The following C6 variants were observed in gnomAD, a reference collection of about 807,000 sequenced individuals.
The protein encoded by C6 is complement component C6.
Under a neutral mutation model 112.9 loss-of-function variants are expected in C6, and 101 were observed. The observed-to-expected ratio is 0.89, with a 90% confidence interval of 0.76 to 1.06. C6 has a LOEUF of 1.06. C6 is among the 50% of genes least tolerant of loss of function. The pLI is 0.00. For synonymous variants in C6, 431 were observed against 384.1 expected, an observed-to-expected ratio of 1.12 and a Z score of -1.43; for missense variants, 1,202 against 1,104.6, an observed-to-expected ratio of 1.09 and a Z score of -1.25.
intron 1 of C6, among the ~76,000 whole-genome samples, chr5:41,242,285 G>A (rs946731404): frequency 1.3e-5 from 2 of 152,008 alleles, no homozygotes; most frequent in African/African-American, 4.8e-5. Flanking sequence ...TGAGTCTCAC[G>A]AGATCTGATC....
At chr5:41,160,056 A>G in intron 11 of C6, 86 bp downstream of exon 11, 1 of 1,073,408 alleles carries the variant, frequency 9.3e-7, no homozygotes, top group South Asian at 1.3e-5. Flanking sequence ...TGCTAATAGA[A>G]GTTTTGTTTC....
chr5:41,213,795 A>T (rs1561180644), upstream of C6, among the ~76,000 whole-genome samples: 1 of 152,144 alleles, frequency 6.6e-6, no homozygotes, highest in African/African-American at 2.4e-5. Context: ...TTAGTTTTTG[A>T]TTATAGAATA....
intron 5 of C6, among the ~76,000 whole-genome samples, chr5:41,194,001 G>T (rs1750420182): frequency 1.3e-5 from 2 of 152,056 alleles, no homozygotes; most frequent in African/African-American, 4.8e-5. Context: ...GCTCTGGTTG[G>T]CAGAGGGCCA....
chr5:41,254,597 C>A (rs1741568560), intron 1 of C6, among the ~76,000 whole-genome samples: 1 of 152,160 alleles, frequency 6.6e-6, no homozygotes, highest in Admixed American at 6.5e-5. Flanking sequence ...TGATAACTCC[C>A]TTTACAGAAC....
intron 4 of C6, among the ~76,000 whole-genome samples, chr5:41,198,507 G>A (rs551217803): frequency 3.9e-5 from 6 of 152,088 alleles, no homozygotes; most frequent in Non-Finnish European, 8.8e-5. Flanking sequence ...GCAGGGCATG[G>A]GTTACTCAGG....
chr5:41,229,962 A>G (rs1399310989), intron 1 of C6, among the ~76,000 whole-genome samples: 3 of 152,162 alleles, frequency 2.0e-5, no homozygotes, highest in Non-Finnish European at 4.4e-5. Flanking sequence ...TCAGTTCCCA[A>G]AATTAATACT....
At chr5:41,168,459 G>A (rs1216996114) in intron 9 of C6, among the ~76,000 whole-genome samples, 1 of 152,130 alleles carries the variant, frequency 6.6e-6, no homozygotes, top group Non-Finnish European at 1.5e-5. Context: ...GCAGAAAAAT[G>A]CCCAGGAAAG....
Position 41,195,812 on chromosome 5 carries a change from A to C in C6, c.567T>G (p.Ser189Arg). 1 of 1,613,934 alleles carries C rather than the reference A, an allele frequency of 6.2e-7. No individual in the cohort carries two copies. Among genetic ancestry groups the C allele is most frequent in the Non-Finnish European group, 8.5e-7 (1 of 1,179,910 alleles). The change falls in exon 5 of 18, where the codon AGT becomes AGG. Residue 189 changes from serine to arginine, a missense_variant. Physicochemically the swap from Ser to Arg is moderately radical, Grantham distance 110. Coordinates refer to ENST00000337836, the MANE Select transcript of C6 (RefSeq NM_000065.5). Reference sequence around the variant, plus strand: ...CATACCCATTGCCCATCAACTGTACACTAGGGATGGGATTATACTTCCGTG... The same window carrying C: ...CATACCCATTGCCCATCAACTGTACCCTAGGGATGGGATTATACTTCCGTG... ...VCTRKYNPIP[S>R]VQLMGNGFHF... is the part of the protein sequence containing the mutation.
upstream of C6, among the ~76,000 whole-genome samples, chr5:41,217,871 C>A (rs577289710): frequency 1.8e-4 from 27 of 152,206 alleles, no homozygotes; most frequent in Admixed American, 1.4e-3. Flanking sequence ...CTTGGGTCAG[C>A]TTTCTAGTTT....
upstream of C6, among the ~76,000 whole-genome samples, chr5:41,217,294 G>A (rs1462999313): frequency 6.6e-6 from 1 of 151,928 alleles, no homozygotes; most frequent in Non-Finnish European, 1.5e-5. Context: ...TATGATCATT[G>A]TGTGCTTTAT....
In C6 at chr5:41,159,268, GACTC is replaced by G. The variant is rs756462651; in HGVS notation, c.1685-19_1685-16del. ...GTCTACTGCATCTGGAACAAAGGAA[GACTC>G]ACTCCCATGGATCATGGTGCAGCTG... On this transcript the variant is annotated splice_polypyrimidine_tract_variant and intron_variant, in intron 11 of 17. Transcript: ENST00000337836. The G allele has an allele frequency of 6.2e-7, 1 of 1,611,908 alleles. No homozygotes were observed. The highest frequency in any genetic ancestry group is 1.1e-5 in the South Asian group (1 of 90,924).
intron 5 of C6, among the ~76,000 whole-genome samples, chr5:41,187,355 A>G (rs1485553420): frequency 1.3e-5 from 2 of 152,158 alleles, no homozygotes; most frequent in Non-Finnish European, 2.9e-5. Flanking sequence ...TGTACCTGAA[A>G]GGCACCACCT....
At chr5:41,163,570 C>T (rs1184931840) in intron 9 of C6, among the ~76,000 whole-genome samples, 1 of 152,128 alleles carries the variant, frequency 6.6e-6, no homozygotes, top group Non-Finnish European at 1.5e-5. Context: ...CTTGGCCTCC[C>T]AAAGTGCTGG....
chr5:41,231,325 CAT>C (rs1395507177), intron 1 of C6, among the ~76,000 whole-genome samples: 1 of 151,938 alleles, frequency 6.6e-6, no homozygotes, highest in Non-Finnish European at 1.5e-5. Context: ...TTTATGGTGA[CAT>C]GTTTCATTTC....
chr5:41,212,701 A>T (rs948871071), intron 1 of C6, among the ~76,000 whole-genome samples: 1 of 152,348 alleles, frequency 6.6e-6, no homozygotes, highest in Middle Eastern at 3.4e-3. Flanking sequence ...GTGCCATCGT[A>T]GAAAAGCAGA....
chr5:41,222,508 T>G (rs909527139), intron 1 of C6, among the ~76,000 whole-genome samples: 3 of 151,980 alleles, frequency 2.0e-5, no homozygotes, highest in South Asian at 4.1e-4. Flanking sequence ...GGTATAAAAA[T>G]GTCAAGGAAG....
chr5:41,252,808 C>CTT (rs1741449530), intron 1 of C6, among the ~76,000 whole-genome samples: 1 of 152,228 alleles, frequency 6.6e-6, no homozygotes, highest in Non-Finnish European at 1.5e-5. Flanking sequence ...CTCCCCTTAT[C>CTT]TTAACTTTTT....
chr5:41,196,453 G>A (rs983584255), intron 4 of C6, among the ~76,000 whole-genome samples: 4 of 151,836 alleles, frequency 2.6e-5, no homozygotes, highest in East Asian at 1.9e-4. Context: ...GAAGGAGGGG[G>A]AATTAACTAG....
chr5:41,199,255 T>A (rs1183977434), intron 4 of C6, among the ~76,000 whole-genome samples: 1 of 152,216 alleles, frequency 6.6e-6, no homozygotes, highest in African/African-American at 2.4e-5. Flanking sequence ...TTATTGTAAC[T>A]TTAAGTTGAC....
Sources: gnomAD v4.1 joint callset for allele counts (sites outside exome capture counted in the v4.1 genomes callset) on GRCh38, gnomAD v4.1.1 for gene constraint, MANE v1.5 for transcripts, NCBI Gene and HGNC (gene_info 2026-07-23, HGNC 2026-07-21) for gene names.